The following KALRN variants were observed in gnomAD, a reference collection of about 807,000 sequenced individuals.
KALRN encodes the protein kalirin RhoGEF kinase.
Under a neutral mutation model 353.7 loss-of-function variants are expected in KALRN, and 70 were observed. That is an observed-to-expected ratio of 0.20 (90% CI 0.16 to 0.24). The LOEUF (loss-of-function observed/expected upper bound fraction) is 0.24. Among genes scored for constraint, KALRN ranks in the 10% least tolerant of loss-of-function variants. KALRN has a pLI of 1.00. For synonymous variants in KALRN, 1,391 were observed against 1,434.8 expected, an observed-to-expected ratio of 0.97 and a Z score of 0.69; for missense variants, 2,791 against 3,756.7, an observed-to-expected ratio of 0.74 and a Z score of 6.72.
At chr3:124,587,748 C>T (rs1215984028) in intron 34 of KALRN, among the ~76,000 whole-genome samples, 2 of 136,600 alleles carry the variant, frequency 1.5e-5, no homozygotes, top group East Asian at 4.1e-4. Flanking sequence ...CTCTGTTGCC[C>T]AGGCTGGAGT....
chr3:124,467,243 T>C (rs2060428373), intron 25 of KALRN, among the ~76,000 whole-genome samples: 1 of 152,022 alleles, frequency 6.6e-6, no homozygotes, highest in Admixed American at 6.6e-5. Flanking sequence ...GGCTGGGGAA[T>C]TTAGGGAAGG....
Position 124,334,312 on chromosome 3 carries a change from G to C in KALRN, c.1464G>C (p.Leu488=). ...TACTTGATGTGCTGCAGCGGCCCCT[G>C]AGCCCTGGGAACTCCGAATCCCTCA... The part of the protein sequence containing the change: ...KALLDVLQRP[L]SPGNSESLTA... Residue 488 remains leucine, a synonymous_variant, in exon 9 of 60, where the codon CTG becomes CTC. Transcript: ENST00000682506. The surrounding 1 kb of genome is among the most constrained non-coding windows in gnomAD (Gnocchi z 4.2). 6.2e-7 allele frequency: 1 copy of C among 1,614,256 alleles called. No homozygotes were observed. Among genetic ancestry groups the C allele is most frequent in the Non-Finnish European group, 8.5e-7 (1 of 1,180,054 alleles).
chr3:124,505,422 G>A (rs1421154926), intron 33 of KALRN, among the ~76,000 whole-genome samples: 3 of 152,094 alleles, frequency 2.0e-5, no homozygotes. Flanking sequence ...CTGAGTCTAG[G>A]AGCTCAAGAC....
Position 124,413,569 on chromosome 3 carries a change from C to T in KALRN, c.2446C>T (p.His816Tyr), listed in dbSNP as rs747085989. The change falls in exon 14 of 60, where the codon CAC (histidine) becomes TAC (tyrosine). Residue 816 changes from histidine to tyrosine, a missense_variant. His to Tyr is a moderately conservative substitution (Grantham distance 83). Around this residue, in one of 11 missense-constraint regions of KALRN, gnomAD observed 452 missense variants for 575.8 expected, o/e 0.78. Coordinates refer to ENST00000682506, the MANE Select transcript of KALRN (RefSeq NM_001388419.1). Reference protein sequence around the residue: ...LTLAEQRLQRHTERKLAMNNM... With the variant: ...LTLAEQRLQRYTERKLAMNNM... ...CCTGGCAGAACAGCGGCTGCAGCGCCACACAGAACGGAAGCTAGCCATGAA... is the reference window on the plus strand; with the variant it reads ...CCTGGCAGAACAGCGGCTGCAGCGCTACACAGAACGGAAGCTAGCCATGAA... 8.1e-6 allele frequency: 13 copies of T among 1,614,002 alleles called. No individual in the cohort carries two copies. The East Asian group carries it at 2.9e-4, about 36-fold the overall frequency.
At chr3:124,492,666 A>C in intron 31 of KALRN, 74 bp from the exon 32 acceptor site, 3 of 1,459,850 alleles carry the variant, frequency 2.1e-6, no homozygotes, top group Non-Finnish European at 2.8e-6. Context: ...TGAAGACTGC[A>C]GGAGGGTTGA....
Position 124,103,661 on chromosome 3 carries a change from G to A in KALRN, c.73+69848G>A, listed in dbSNP as rs1458612992. Among the ~76,000 whole-genome samples, 4 of 152,096 alleles carry A rather than the reference G, an allele frequency of 2.6e-5. No individual in the cohort carries two copies. The South Asian group carries it at 6.2e-4, about 24-fold the overall frequency. On this transcript the variant is annotated intron_variant, in intron 1 of 59. Coordinates refer to ENST00000682506, the MANE Select transcript of KALRN (RefSeq NM_001388419.1). Reference sequence around the variant, plus strand: ...ACAATTCAAACTCCTGAAAGATCAAGAATCAACAGTAAGGCTGGGCGCAGT... The same window carrying A: ...ACAATTCAAACTCCTGAAAGATCAAAAATCAACAGTAAGGCTGGGCGCAGT...
intron 33 of KALRN, among the ~76,000 whole-genome samples, chr3:124,520,655 C>T (rs983210032): frequency 9.9e-5 from 15 of 152,150 alleles, no homozygotes; most frequent in African/African-American, 3.4e-4. Context: ...TAAGGCACTC[C>T]CATGAGCTAG....
intron 11 of KALRN, among the ~76,000 whole-genome samples, chr3:124,389,155 A>C (rs1232095607): frequency 6.6e-6 from 1 of 151,714 alleles, no homozygotes; most frequent in Non-Finnish European, 1.5e-5. Flanking sequence ...TCCTTCCTCC[A>C]TTTCTTCCTT....
intron 20 of KALRN, 108 bp from the exon 21 acceptor site, chr3:124,446,655 T>G: frequency 7.3e-7 from 1 of 1,373,818 alleles, no homozygotes; most frequent in African/African-American, 1.4e-5. Flanking sequence ...TTGTCAGTGT[T>G]TCCTGGGTCC....
chr3:124,178,938 A>T (rs1281704095), intron 1 of KALRN, among the ~76,000 whole-genome samples: 2 of 152,062 alleles, frequency 1.3e-5, no homozygotes, highest in Non-Finnish European at 2.9e-5. Flanking sequence ...CCCAGTCTCT[A>T]TAAACATTTT....
At chr3:124,487,433 A>G (rs2062686858) in intron 28 of KALRN, among the ~76,000 whole-genome samples, 1 of 152,214 alleles carries the variant, frequency 6.6e-6, no homozygotes. Context: ...GGGACAGAAT[A>G]TAGGAGAGAC....
intron 34 of KALRN, among the ~76,000 whole-genome samples, chr3:124,576,207 T>C (rs1180794188): frequency 7.9e-5 from 12 of 152,012 alleles, no homozygotes; most frequent in Admixed American, 7.2e-4. Flanking sequence ...CTGTTTTACT[T>C]TTCTTCATTG....
intron 1 of KALRN, among the ~76,000 whole-genome samples, chr3:124,176,944 G>C (rs933948195): frequency 2.0e-5 from 3 of 152,188 alleles, no homozygotes; most frequent in Admixed American, 2.0e-4. Context: ...AAAGGAGACA[G>C]CAGATTGATT....
At chr3:124,448,084 C>G (rs1378071716) in intron 21 of KALRN, among the ~76,000 whole-genome samples, 1 of 152,206 alleles carries the variant, frequency 6.6e-6, no homozygotes, top group African/African-American at 2.4e-5. Flanking sequence ...GTGTTCCTGT[C>G]TGCATAGGGT....
chr3:124,413,983 A>T (rs752341831), intron 14 of KALRN, among the ~76,000 whole-genome samples: 1 of 152,034 alleles, frequency 6.6e-6, no homozygotes, highest in South Asian at 2.1e-4. Flanking sequence ...GCAGATGCCT[A>T]TAATCCCAGC....
intron 9 of KALRN, among the ~76,000 whole-genome samples, chr3:124,337,777 C>T (rs904731642): frequency 1.3e-5 from 2 of 152,030 alleles, no homozygotes; most frequent in African/African-American, 2.4e-5. Context: ...TGGTCCTGGA[C>T]GTTTTTTTGT....
chr3:124,686,094 A>G (rs2061545157), intron 51 of KALRN, among the ~76,000 whole-genome samples: 1 of 152,246 alleles, frequency 6.6e-6, no homozygotes, highest in Non-Finnish European at 1.5e-5. Context: ...GAAGCATAAG[A>G]AGGAGGCAGG....
chr3:124,450,429 A>C (rs142744529), intron 21 of KALRN, among the ~76,000 whole-genome samples: 1,728 of 152,350 alleles, frequency 0.011, 30 homozygotes, highest in African/African-American at 0.04. Flanking sequence ...CCTTAGCTGA[A>C]CTAAACTATG....
At chr3:124,052,434 C>T (rs2041129383) in intron 1 of KALRN, among the ~76,000 whole-genome samples, 1 of 152,102 alleles carries the variant, frequency 6.6e-6, no homozygotes, top group African/African-American at 2.4e-5. Flanking sequence ...TCTGGCTCTT[C>T]CAAGGTACAG....
Sources: allele counts gnomAD v4.1 joint callset (sites outside exome capture counted in the v4.1 genomes callset), GRCh38; gene constraint gnomAD v4.1.1; regional missense constraint gnomAD v4.1.1; non-coding constraint Gnocchi (gnomAD v3.1); transcripts MANE v1.5; gene names NCBI Gene and HGNC (gene_info 2026-07-23, HGNC 2026-07-21).